CHN2: variants seen among roughly 807,000 people sequenced by gnomAD.
CHN2 encodes beta-chimaerin.
CHN2 carries 35 observed loss-of-function variants against 56.3 expected under a neutral mutation model. The ratio of observed to expected loss-of-function variants is 0.62; its 90% confidence interval spans 0.47 to 0.82. CHN2 has a LOEUF of 0.82. Ranked by LOEUF, CHN2 falls within the 40% of genes least tolerant of loss-of-function variation. The probability of loss-of-function intolerance (pLI) is 0.00; values close to 1 mark genes in which losing one functional copy is unlikely to be tolerated. For synonymous variants in CHN2, 210 were observed against 212.8 expected (o/e 0.99, Z 0.12); for missense variants, 491 against 580.5 (o/e 0.85, Z 1.58).
intron 1 of CHN2, among the ~76,000 whole-genome samples, chr7:29,304,127 G>A (rs1021110307): frequency 6.6e-6 from 1 of 151,992 alleles, no homozygotes; most frequent in South Asian, 2.1e-4. Flanking sequence ...TCACTGGGTA[G>A]AGGGACAAAA....
At chr7:29,263,360 C>T (rs577380729) in intron 1 of CHN2, among the ~76,000 whole-genome samples, 36 of 152,314 alleles carry the variant, frequency 2.4e-4, no homozygotes, top group Admixed American at 2.2e-3. Flanking sequence ...AGTGCAGTGG[C>T]GTGATCTCGG....
At chr7:29,163,945 CT>C (rs1293923888) in intron 2 of CHN2, among the ~76,000 whole-genome samples, 1 of 152,184 alleles carries the variant, frequency 6.6e-6, no homozygotes, top group Non-Finnish European at 1.5e-5. Context: ...TTGTTCCCAG[CT>C]TTTGACTATT....
chr7:29,316,461 G>A (rs2011147), intron 1 of CHN2, among the ~76,000 whole-genome samples: 135,947 of 152,246 alleles, frequency 0.89, 60,816 homozygotes, highest in East Asian at 1. Flanking sequence ...ATAATTCCAT[G>A]GTAAAAAAGC....
At chr7:29,344,731 T>G (rs113014860) in intron 1 of CHN2, among the ~76,000 whole-genome samples, 9 of 152,226 alleles carry the variant, frequency 5.9e-5, no homozygotes, top group Middle Eastern at 3.4e-3. Flanking sequence ...GGCCTTGCTC[T>G]TAGGTTTCAC....
chr7:29,170,922 C>G (rs995515928), intron 2 of CHN2, among the ~76,000 whole-genome samples: 2 of 152,128 alleles, frequency 1.3e-5, no homozygotes, highest in Admixed American at 1.3e-4. Flanking sequence ...TACTCACTAT[C>G]ACAAGAAAAA....
intron 1 of CHN2, among the ~76,000 whole-genome samples, chr7:29,293,345 T>C: frequency 6.9e-6 from 1 of 145,526 alleles, no homozygotes; most frequent in Non-Finnish European, 1.5e-5. Context: ...TACACCCTTC[T>C]TCTGAGGGCA....
intron 6 of CHN2, among the ~76,000 whole-genome samples, chr7:29,446,620 C>T (rs1253070271): frequency 2.0e-5 from 3 of 152,068 alleles, no homozygotes; most frequent in Non-Finnish European, 2.9e-5. Flanking sequence ...TCACACGACC[C>T]GGTAAGGAAG....
intron 5 of CHN2, among the ~76,000 whole-genome samples, chr7:29,398,870 G>A (rs1294916053): frequency 6.6e-6 from 1 of 151,244 alleles, no homozygotes; most frequent in African/African-American, 2.4e-5. Flanking sequence ...CCAAAGTTCT[G>A]GGATTACAGT....
intron 6 of CHN2, among the ~76,000 whole-genome samples, chr7:29,451,087 T>G (rs1224992277): frequency 6.6e-6 from 1 of 152,020 alleles, no homozygotes; most frequent in Non-Finnish European, 1.5e-5. Flanking sequence ...TCTTATACCA[T>G]AATAAATAAG....
intron 1 of CHN2, among the ~76,000 whole-genome samples, chr7:29,293,690 G>A (rs996785984): frequency 6.6e-6 from 1 of 151,960 alleles, no homozygotes; most frequent in Non-Finnish European, 1.5e-5. Flanking sequence ...ATGGCTCTCC[G>A]TCCCTCTGTC....
At chr7:29,303,108 C>T (rs1793833448) in intron 1 of CHN2, among the ~76,000 whole-genome samples, 2 of 152,208 alleles carry the variant, frequency 1.3e-5, no homozygotes, top group Admixed American at 6.5e-5. Context: ...TGCCATTGTG[C>T]GTTGATGCTG....
rs577774733 is a variant in CHN2 at position 29,212,163 on chromosome 7, C to T, written c.49+17173C>T. The stretch of plus-strand genomic sequence containing the variant: ...ACCTCCTGCTATTGTGGAGGCAACT[C>T]ACTTCATCCCAACTTCTTGATACTT... On this transcript the variant is annotated intron_variant, in intron 1 of 12. Transcript: ENST00000222792. 9 of 584,888 alleles carry T rather than the reference C, an allele frequency of 1.5e-5. No individual in the cohort carries two copies. In the East Asian group the frequency reaches 2.0e-4, roughly 13 times the overall value. The allele number at this position is 584,888 out of a possible 1,614,324, so 36.2% of individuals were successfully genotyped here.
chr7:29,266,189 C>A (rs1195700291), intron 1 of CHN2, among the ~76,000 whole-genome samples: 1 of 152,160 alleles, frequency 6.6e-6, no homozygotes, highest in African/African-American at 2.4e-5. Flanking sequence ...AACTGGAACA[C>A]CATTGGGCCT....
chr7:29,359,370 AGTGTTCATTAATT>A (rs561607862), intron 2 of CHN2, among the ~76,000 whole-genome samples: 1 of 152,332 alleles, frequency 6.6e-6, no homozygotes, highest in South Asian at 2.1e-4. Context: ...TATAAATTAT[AGTGTTCATTAATT>A]TAGTCACTCC....
rs372801736 is a variant in CHN2 at position 29,183,188 on chromosome 7, G to A, written c.274+36228G>A. Reference sequence around the variant, plus strand: ...TAACCTCCGCCTCCCAGGTTCAAGCGATTCTCCTGCCTCAGCCTCCTGAGT... The same window carrying A: ...TAACCTCCGCCTCCCAGGTTCAAGCAATTCTCCTGCCTCAGCCTCCTGAGT... On this transcript the variant is annotated intron_variant, in intron 2 of 6. Coordinates refer to the CHN2 transcript ENST00000439384. 2.7e-5 allele frequency among the ~76,000 whole-genome samples: 4 copies of A among 150,576 alleles called. No homozygotes were observed. The East Asian group carries it at 5.9e-4, about 22-fold the overall frequency.
chr7:29,374,588 G>T (rs1191419771), intron 3 of CHN2, among the ~76,000 whole-genome samples: 1 of 152,062 alleles, frequency 6.6e-6, no homozygotes, highest in Non-Finnish European at 1.5e-5. Flanking sequence ...CTTGGGTAAG[G>T]GCTGTTGAGA....
In CHN2 at chr7:29,201,415, C is replaced by CT. The variant is rs890019229; in HGVS notation, c.49+6437dup. 3.1e-3 allele frequency among the ~76,000 whole-genome samples: 451 copies of CT among 147,004 alleles called. 2 individuals carry two copies. Among genetic ancestry groups the CT allele is most frequent in the African/African-American group, 7.6e-3 (308 of 40,274 alleles). On this transcript the variant is annotated intron_variant, in intron 1 of 12. Coordinates refer to ENST00000222792, the MANE Select transcript of CHN2 (RefSeq NM_004067.4). ...TCATCCTTAGAGAATTTCTTGTAGA[C>CT]TTTTTTTTTTTTCTCTCTGGCCTCA...
At position 29,512,870 on chromosome 7, in the gene CHN2, G is replaced by A. The variant is rs1442211499; in HGVS notation, c.*135G>A. On this transcript the variant is annotated 3_prime_UTR_variant, in exon 13 of 13. Coordinates refer to ENST00000222792, the MANE Select transcript of CHN2 (RefSeq NM_004067.4). ...TTCCTGGACTGCAGAGGATCGCTGA[G>A]TGGGGTACTGTGTCTCATAGACATG... 2 of 922,154 alleles carry A rather than the reference G, an allele frequency of 2.2e-6. No homozygotes were observed. Among genetic ancestry groups the A allele is most frequent in the African/African-American group, 1.7e-5 (1 of 59,556 alleles). 57.1% of individuals were successfully genotyped at this position (922,154 alleles called of 1,614,324 possible).
At chr7:29,269,917 G>T (rs1790480707) in intron 1 of CHN2, among the ~76,000 whole-genome samples, 1 of 152,172 alleles carries the variant, frequency 6.6e-6, no homozygotes, top group Admixed American at 6.5e-5. Context: ...TTCATCAGAT[G>T]AAATAATACC....
Sources: gnomAD v4.1 joint callset for allele counts (sites outside exome capture counted in the v4.1 genomes callset) on GRCh38, gnomAD v4.1.1 for gene constraint, MANE v1.5 for transcripts, NCBI Gene and HGNC (gene_info 2026-07-23, HGNC 2026-07-21) for gene names.